PTPN11: variants seen among roughly 807,000 people sequenced by gnomAD.
PTPN11 encodes the protein protein tyrosine phosphatase non-receptor type 11.
Under a neutral mutation model 78.8 loss-of-function variants are expected in PTPN11, and 6 were observed. That is an observed-to-expected ratio of 0.08 (90% CI 0.04 to 0.15). PTPN11 has a LOEUF of 0.15. PTPN11 is among the 10% of genes least tolerant of loss of function. The pLI, the probability that PTPN11 is intolerant of heterozygous loss-of-function variation, is 1.00. For missense variants in PTPN11, 386 were observed against 744.8 expected, an observed-to-expected ratio of 0.52 and a Z score of 5.61; for synonymous variants, 221 against 263.5, an observed-to-expected ratio of 0.84 and a Z score of 1.56.
At chr12:112,459,895 T>G (rs1592834459) in intron 6 of PTPN11, among the ~76,000 whole-genome samples, 1 of 150,696 alleles carries the variant, frequency 6.6e-6, no homozygotes, top group Non-Finnish European at 1.5e-5. Context: ...ATCAGTCACA[T>G]TTTCCTGATT....
intron 1 of PTPN11, among the ~76,000 whole-genome samples, chr12:112,437,777 T>C (rs1457754505): frequency 3.9e-5 from 6 of 152,200 alleles, no homozygotes; most frequent in African/African-American, 1.4e-4. Context: ...GGCCTGGTGA[T>C]TTTCTGTGCG....
At chr12:112,480,306 TACAAAATACC>T (rs1411666918) in intron 9 of PTPN11, among the ~76,000 whole-genome samples, 1 of 151,694 alleles carries the variant, frequency 6.6e-6, no homozygotes, top group African/African-American at 2.4e-5. Context: ...TGTTTGGATC[TACAAAATACC>T]GGAGGGAAAG....
At chr12:112,419,158 C>A (rs2135817620) in intron 1 of PTPN11, 33 bp downstream of exon 1, 1 of 1,489,160 alleles carries the variant, frequency 6.7e-7, no homozygotes, top group East Asian at 2.8e-5. Flanking sequence ...GCGCGGGCCT[C>A]GGCCCGGCCA....
intron 6 of PTPN11, chr12:112,457,408 G>C: frequency 9.4e-6 from 2 of 211,900 alleles, no homozygotes; most frequent in East Asian, 1.8e-4. Context: ...TTCTTTATCC[G>C]GTCTATCATT....
rs756198017 is a variant in PTPN11, at chr12:112,486,437, A to G, written c.1225-38A>G. ...GGGTGATTCCTCAACCTCTTGATTT[A>G]TTTAATTCTTTTCTGGTTTTTCTTG... On this transcript the variant is annotated intron_variant, in intron 10 of 15. Coordinates refer to ENST00000351677, the MANE Select transcript of PTPN11 (RefSeq NM_002834.5). 3.8e-6 allele frequency: 6 copies of G among 1,573,392 alleles called. No individual in the cohort carries two copies. In the East Asian group the frequency reaches 1.3e-4, roughly 35 times the overall value.
chr12:112,476,465 T>A (rs747507804), intron 7 of PTPN11, among the ~76,000 whole-genome samples: 2 of 152,142 alleles, frequency 1.3e-5, no homozygotes, highest in Non-Finnish European at 2.9e-5. Flanking sequence ...TCCACTGCAT[T>A]ATGCTTCACT....
intron 1 of PTPN11, among the ~76,000 whole-genome samples, chr12:112,443,163 T>C (rs1303236073): frequency 4.6e-5 from 7 of 151,654 alleles, no homozygotes; most frequent in African/African-American, 7.3e-5. Flanking sequence ...TTATATCTCT[T>C]TCAAATTGTT....
At chr12:112,492,216 C>T (rs1297478994) in intron 13 of PTPN11, among the ~76,000 whole-genome samples, 2 of 152,152 alleles carry the variant, frequency 1.3e-5, no homozygotes, top group African/African-American at 2.4e-5. Flanking sequence ...CTTCTTAGTA[C>T]ATCACATCAG....
At chr12:112,486,700 C>G in intron 11 of PTPN11, 71 bp downstream of exon 11, 1 of 1,583,996 alleles carries the variant, frequency 6.3e-7, no homozygotes, top group African/African-American at 1.3e-5. Context: ...TTGCTTTTAC[C>G]TACCCACTCC....
intron 10 of PTPN11, 22 bp from the exon 11 acceptor site, chr12:112,486,453 G>T (rs1478646326): frequency 1.1e-5 from 17 of 1,602,934 alleles, no homozygotes; most frequent in Non-Finnish European, 1.4e-5. Context: ...TTCTTTTCTG[G>T]TTTTTCTTGG....
At chr12:112,422,914 G>A (rs2037547664) in intron 1 of PTPN11, among the ~76,000 whole-genome samples, 1 of 152,194 alleles carries the variant, frequency 6.6e-6, no homozygotes, top group South Asian at 2.1e-4. Context: ...GGCAGCCACA[G>A]AACAATAGAG....
intron 12 of PTPN11, 108 bp downstream of exon 12, chr12:112,488,618 C>A: frequency 8.5e-7 from 1 of 1,181,418 alleles, no homozygotes; most frequent in Non-Finnish European, 1.3e-6. Flanking sequence ...AAAATTCTTT[C>A]ACAAAAATCT....
chr12:112,434,564 C>T (rs1006930279), intron 1 of PTPN11, among the ~76,000 whole-genome samples: 20 of 150,984 alleles, frequency 1.3e-4, no homozygotes, highest in Non-Finnish European at 2.2e-4. Context: ...GCCGAGATCA[C>T]GCCACTGCAT....
intron 1 of PTPN11, among the ~76,000 whole-genome samples, chr12:112,426,811 T>C (rs1011873439): frequency 1.3e-5 from 2 of 152,084 alleles, no homozygotes; most frequent in African/African-American, 2.4e-5. Flanking sequence ...TTATTTATTT[T>C]ATTTTTGTAG....
rs1201150273 is a variant in PTPN11, at chr12:112,506,994, G to T, written c.*1202G>T. On this transcript the variant is annotated 3_prime_UTR_variant, in exon 16 of 16. Coordinates refer to ENST00000351677, the MANE Select transcript of PTPN11 (RefSeq NM_002834.5). ...GATGATGATGATGATGATGATGATGGTTTTTTCTAATCAGAAGAAAGCTGG... is the reference window on the plus strand; with the variant it reads ...GATGATGATGATGATGATGATGATGTTTTTTTCTAATCAGAAGAAAGCTGG... 4 of 246,108 alleles carry T rather than the reference G, an allele frequency of 1.6e-5. No homozygotes were observed. The highest frequency in any genetic ancestry group is 1.1e-4 in the Admixed American group (3 of 27,378). The allele number at this position is 246,108 out of a possible 1,614,324, so 15.2% of individuals were successfully genotyped here.
rs1019037463 is a variant in PTPN11, at chr12:112,490,479, G to A, written c.1599+1304G>A. On this transcript the variant is annotated intron_variant, in intron 13 of 15. Coordinates refer to ENST00000351677, the MANE Select transcript of PTPN11 (RefSeq NM_002834.5). Reference sequence around the variant, plus strand: ...GCGCCACCACACCTAGCTAATTTTCGCATTTTTTGTAGTGTCACAGTTTCG... The same window carrying A: ...GCGCCACCACACCTAGCTAATTTTCACATTTTTTGTAGTGTCACAGTTTCG... Among the ~76,000 whole-genome samples, 8 of 151,994 alleles carry A rather than the reference G, an allele frequency of 5.3e-5. No homozygotes were observed. In the South Asian group the frequency reaches 1.0e-3, roughly 20 times the overall value.
chr12:112,437,601 G>C (rs1488715121), intron 1 of PTPN11, among the ~76,000 whole-genome samples: 3 of 152,130 alleles, frequency 2.0e-5, no homozygotes, highest in Non-Finnish European at 4.4e-5. Context: ...ATTGGTCTCT[G>C]TTGTTTTTCT....
rs887831163 is a variant in PTPN11, at chr12:112,504,003, C to G, written c.1713-692C>G. Among the ~76,000 whole-genome samples, 78 of 152,164 alleles carry G rather than the reference C, an allele frequency of 5.1e-4. 2 individuals are homozygous for G. Among genetic ancestry groups the G allele is most frequent in the Non-Finnish European group, 8.8e-5 (6 of 68,032 alleles). On this transcript the variant is annotated intron_variant, in intron 14 of 15. Transcript: ENST00000351677. The surrounding 1 kb of genome is among the most constrained non-coding windows in gnomAD (Gnocchi z 4.7). ...TAGATCTCTCATCACTGCCTGCCTG[C>G]TCCTGTATTTTCCCTTCTTGGAGCT...
intron 1 of PTPN11, among the ~76,000 whole-genome samples, chr12:112,424,891 A>ATGTGTGTGTGTG (rs1223840459): frequency 1.6e-4 from 13 of 79,978 alleles, no homozygotes; most frequent in African/African-American, 1.7e-4. Flanking sequence ...GTGTGTGTGT[A>ATGTGTGTGTGTG]TGTGTGTGTG....
Sources: gnomAD v4.1 joint callset for allele counts (sites outside exome capture counted in the v4.1 genomes callset) on GRCh38, gnomAD v4.1.1 for gene constraint, Gnocchi (gnomAD v3.1) non-coding constraint, MANE v1.5 for transcripts, NCBI Gene and HGNC (gene_info 2026-07-23, HGNC 2026-07-21) for gene names.